Variants in TOB2 observed in about 807,000 individuals in gnomAD.
TOB2 encodes transducer of ERBB2, 2.
A neutral mutation model predicts 17.3 loss-of-function variants in TOB2; 3 were observed. That is an observed-to-expected ratio of 0.17 (90% CI 0.08 to 0.45). TOB2 has a LOEUF of 0.45. Ranked by LOEUF, TOB2 falls within the 20% of genes least tolerant of loss-of-function variation. The pLI is 0.99. For missense variants in TOB2, 407 were observed against 445.7 expected (o/e 0.91, Z 0.78); for synonymous variants, 163 against 185.6 (o/e 0.88, Z 0.99).
chr22:41,436,290 G>T lies in TOB2; in HGVS notation c.*21C>A. 6.5e-7 allele frequency: 1 copy of T among 1,530,614 alleles called. No homozygotes were observed. Among genetic ancestry groups the T allele is most frequent in the Admixed American group, 2.1e-5 (1 of 47,504 alleles). 94.8% of individuals were successfully genotyped at this position (1,530,614 alleles called of 1,614,324 possible). On this transcript the variant is annotated 3_prime_UTR_variant, in exon 2 of 2. Coordinates refer to ENST00000327492, the MANE Select transcript of TOB2 (RefSeq NM_016272.4). The surrounding 1 kb of genome is among the most constrained non-coding windows in gnomAD (Gnocchi z 4.8). ...TTTTCTGTGGTCTTGGGTGCTCCTG[G>T]CCCCACGGGCAGGTAGATGGTCAGT...
chr22:41,445,263 T>C lies in TOB2; in HGVS notation c.-63+1116A>G, dbSNP rs114599867. Among the ~76,000 whole-genome samples the C allele has an allele frequency of 9.3e-3, 1,418 of 152,306 alleles. 24 individuals are homozygous for C. Among genetic ancestry groups the C allele is most frequent in the African/African-American group, 0.032 (1,330 of 41,560 alleles). ...CTAAAATTCTGTGTGTCTCCTCCCA[T>C]TGCAAGGTCTGCTTTACGACCAGAC... On this transcript the variant is annotated intron_variant, in intron 1 of 1. Coordinates refer to ENST00000327492, the MANE Select transcript of TOB2 (RefSeq NM_016272.4).
chr22:41,437,156 C>A lies in TOB2; in HGVS notation c.190G>T (p.Val64Leu), dbSNP rs748239252. ...GCGGCCAGCTCCACCACGGGGTCCA[C>A]CATCTCCCCAATGTGAACACAGCGG... The part of the protein sequence containing the change: ...GFRCVHIGEM[V>L]DPVVELAAKR... The change falls in exon 2 of 2, where the codon GTG becomes TTG. Residue 64 changes from valine (V) to leucine (L), a missense_variant. Transcript: ENST00000327492. 4 of 1,614,184 alleles carry A rather than the reference C, an allele frequency of 2.5e-6. No individual in the cohort carries two copies. In the African/African-American group the frequency reaches 5.3e-5, roughly 22 times the overall value.
chr22:41,436,608 G>T lies in TOB2; in HGVS notation c.738C>A (p.Asn246Lys). 1 of 1,613,114 alleles carries T rather than the reference G, an allele frequency of 6.2e-7. No individual in the cohort carries two copies. The highest frequency in any genetic ancestry group is 8.5e-7 in the Non-Finnish European group (1 of 1,179,588). ...SMHSLNFITA[N>K]PAPQSQLSPN... is the part of the protein sequence containing the mutation. ...GTGAGAGCTGGGACTGAGGGGCCGG[G>T]TTGGCCGTGATGAAGTTCAGTGAAT... The change falls in exon 2 of 2, where the codon AAC (asparagine) becomes AAA (lysine). Residue 246 changes from asparagine (N) to lysine (K), a missense_variant. Asn to Lys is a moderately conservative substitution (Grantham distance 94). Coordinates refer to ENST00000327492, the MANE Select transcript of TOB2 (RefSeq NM_016272.4). The surrounding 1 kb of genome is among the most constrained non-coding windows in gnomAD (Gnocchi z 4.8).
Position 41,437,074 on chromosome 22 carries a change from C to G in TOB2, c.272G>C (p.Ser91Thr). 1 of 1,614,192 alleles carries G rather than the reference C, an allele frequency of 6.2e-7. No individual in the cohort carries two copies. Among genetic ancestry groups the G allele is most frequent in the Non-Finnish European group, 8.5e-7 (1 of 1,180,046 alleles). Residue 91 changes from serine (S) to threonine (T), a missense_variant, in exon 2 of 2, where the codon AGT becomes ACT. By Grantham distance (58) the Ser-to-Thr change is moderately conservative. Transcript: ENST00000327492. ...DVRANVPEELSVWIDPFEVSY... is the reference protein window; with the variant it reads ...DVRANVPEELTVWIDPFEVSY... The stretch of plus-strand genomic sequence containing the variant: ...CACCTCAAAGGGATCAATCCAGACA[C>G]TCAGCTCCTCAGGCACATTGGCCCG...
At chr22:41,441,003 G>A (rs959991203) in intron 1 of TOB2, among the ~76,000 whole-genome samples, 4 of 152,038 alleles carry the variant, frequency 2.6e-5, no homozygotes, top group Admixed American at 6.6e-5. Context: ...CAATTTCAGG[G>A]CTTTTTTGGG....
In TOB2 at chr22:41,437,052, C is replaced by G; in HGVS notation, c.294G>C (p.Glu98Asp). ...EELSVWIDPF[E>D]VSYQIGEKGA... ...CCTTCTCACCAATCTGGTAGGACAC[C>G]TCAAAGGGATCAATCCAGACACTCA... is the stretch of plus-strand genomic sequence containing the variant. Residue 98 changes from glutamate to aspartate, a missense_variant, in exon 2 of 2, where the codon GAG becomes GAC. Glu to Asp is a conservative substitution (Grantham distance 45). Transcript: ENST00000327492. The G allele has an allele frequency of 6.2e-7, 1 of 1,614,128 alleles. No individual in the cohort carries two copies. The highest frequency in any genetic ancestry group is 8.5e-7 in the Non-Finnish European group (1 of 1,180,046).
chr22:41,442,851 A>G (rs907674206), intron 1 of TOB2, among the ~76,000 whole-genome samples: 2 of 152,240 alleles, frequency 1.3e-5, no homozygotes, highest in African/African-American at 2.4e-5. Flanking sequence ...AAGCTTAGAA[A>G]TAACTACCTG....
rs200751745 is a variant in TOB2 at position 41,436,480 on chromosome 22, C to A, written c.866G>T (p.Ser289Ile). 3.1e-6 allele frequency: 5 copies of A among 1,614,130 alleles called. No individual in the cohort carries two copies. In the African/African-American group the frequency reaches 4.0e-5, roughly 13 times the overall value. The change falls in exon 2 of 2, where the codon AGT becomes ATT. Residue 289 changes from serine to isoleucine, a missense_variant. Transcript: ENST00000327492. This position sits in a 1 kb window ranked among gnomAD's most constrained non-coding sequence, Gnocchi z 4.8. ...GCTGCTGTTGCAGGTGCCAGCCCCA[C>A]TGCCTCCAAACGGGCCTGGGGTGCC... is the stretch of plus-strand genomic sequence containing the variant. ...GSGTPGPFGG[S>I]GAGTCNSSSF...
At chr22:41,440,662 G>A (rs1385398109) in intron 1 of TOB2, among the ~76,000 whole-genome samples, 5 of 147,458 alleles carry the variant, frequency 3.4e-5, no homozygotes, top group South Asian at 2.2e-4. Flanking sequence ...TGCCTCCTAC[G>A]TTCAAACAAT....
chr22:41,443,894 G>A (rs1302105504), intron 1 of TOB2, among the ~76,000 whole-genome samples: 1 of 152,180 alleles, frequency 6.6e-6, no homozygotes, highest in Non-Finnish European at 1.5e-5. Context: ...CCAAAGTGCT[G>A]GGATTACAGG....
Position 41,435,982 on chromosome 22 carries a change from T to C in TOB2, c.*329A>G. On this transcript the variant is annotated 3_prime_UTR_variant, in exon 2 of 2. Coordinates refer to ENST00000327492, the MANE Select transcript of TOB2 (RefSeq NM_016272.4). ...GAGGAGCAGGGAGCAGCAGTTCACA[T>C]CTGGACCATTCTTAGCACAGGAAGC... 5.0e-6 allele frequency: 1 copy of C among 200,668 alleles called. No homozygotes were observed. Among genetic ancestry groups the C allele is most frequent in the Non-Finnish European group, 1.0e-5 (1 of 98,408 alleles). The allele number at this position is 200,668 out of a possible 1,614,324, so 12.4% of individuals were successfully genotyped here. A position where few individuals can be genotyped will look rare whatever the true frequency, so the allele number is the denominator to read the frequency against.
At chr22:41,441,370 G>C (rs892945970) in intron 1 of TOB2, among the ~76,000 whole-genome samples, 3 of 151,860 alleles carry the variant, frequency 2.0e-5, no homozygotes, top group African/African-American at 7.3e-5. Context: ...TGTTTATGAG[G>C]ATCAGGCTCA....
intron 1 of TOB2, among the ~76,000 whole-genome samples, chr22:41,440,655 C>G (rs2037607585): frequency 6.6e-6 from 1 of 151,350 alleles, no homozygotes; most frequent in African/African-American, 2.4e-5. Context: ...CAACCTCTGC[C>G]TCCTACGTTC....
chr22:41,445,220 C>T (rs1294893007), intron 1 of TOB2, among the ~76,000 whole-genome samples: 2 of 152,214 alleles, frequency 1.3e-5, no homozygotes, highest in Non-Finnish European at 2.9e-5. Context: ...ACACCTGACA[C>T]CTGAGCATCT....
rs1331871300 is a variant in TOB2 at position 41,436,123 on chromosome 22, T to C, written c.*188A>G. 4 of 593,024 alleles carry C rather than the reference T, an allele frequency of 6.7e-6. No homozygotes were observed. The highest frequency in any genetic ancestry group is 1.1e-5 in the Non-Finnish European group (4 of 380,422). 36.7% of individuals were successfully genotyped at this position (593,024 alleles called of 1,614,324 possible). On this transcript the variant is annotated 3_prime_UTR_variant, in exon 2 of 2. Coordinates refer to ENST00000327492, the MANE Select transcript of TOB2 (RefSeq NM_016272.4). This position sits in a 1 kb window ranked among gnomAD's most constrained non-coding sequence, Gnocchi z 4.8. Reference sequence around the variant, plus strand: ...AGGCCGGTGGGCGAGCGGTAAGGGGTGAGTGAAACACACTTGGGTGCTTTG... The same window carrying C: ...AGGCCGGTGGGCGAGCGGTAAGGGGCGAGTGAAACACACTTGGGTGCTTTG...
Position 41,433,855 on chromosome 22 carries a change from G to A in TOB2, c.*2456C>T. 1 of 435,970 alleles carries A rather than the reference G, an allele frequency of 2.3e-6. No homozygotes were observed. Among genetic ancestry groups the A allele is most frequent in the Non-Finnish European group, 4.8e-6 (1 of 207,914 alleles). The allele number at this position is 435,970 out of a possible 1,614,324, so 27.0% of individuals were successfully genotyped here. ...AATCCACCTTTTGATTTGTTCCTGG[G>A]AAAGAGGGATAGATAGAGGATGGGG... On this transcript the variant is annotated 3_prime_UTR_variant, in exon 2 of 2. Coordinates refer to ENST00000327492, the MANE Select transcript of TOB2 (RefSeq NM_016272.4).
In TOB2 at chr22:41,436,181, C is replaced by A; in HGVS notation, c.*130G>T. Reference sequence around the variant, plus strand: ...CTCCCATTCCGTGCCTGGGCTGGATCTTTTTTCTAGAAGTAAGAGTGAGAA... The same window carrying A: ...CTCCCATTCCGTGCCTGGGCTGGATATTTTTTCTAGAAGTAAGAGTGAGAA... On this transcript the variant is annotated 3_prime_UTR_variant, in exon 2 of 2. Transcript: ENST00000327492. The surrounding 1 kb of genome is among the most constrained non-coding windows in gnomAD (Gnocchi z 4.8). The A allele has an allele frequency of 7.8e-7, 1 of 1,286,318 alleles. No homozygotes were observed. The highest frequency in any genetic ancestry group is 1.0e-6 in the Non-Finnish European group (1 of 976,234). 79.7% of individuals were successfully genotyped at this position (1,286,318 alleles called of 1,614,324 possible).
rs1358896061 is a variant in TOB2 at position 41,435,093 on chromosome 22, G to C, written c.*1218C>G. On this transcript the variant is annotated 3_prime_UTR_variant, in exon 2 of 2. Transcript: ENST00000327492. Reference sequence around the variant, plus strand: ...CCCTGCCTCTCTGCCCACCCCCAAGGGTGCTCAGGTGAGCAGCTCCCTCTG... The same window carrying C: ...CCCTGCCTCTCTGCCCACCCCCAAGCGTGCTCAGGTGAGCAGCTCCCTCTG... 4 of 152,506 alleles carry C rather than the reference G, an allele frequency of 2.6e-5. No individual in the cohort carries two copies. The highest frequency in any genetic ancestry group is 4.4e-5 in the Non-Finnish European group (3 of 68,076). The allele number at this position is 152,506 out of a possible 1,614,324, so 9.4% of individuals were successfully genotyped here.
In TOB2 at chr22:41,440,407, G is replaced by A. The variant is rs547249235; in HGVS notation, c.-62-3000C>T. On this transcript the variant is annotated intron_variant, in intron 1 of 1. Coordinates refer to ENST00000327492, the MANE Select transcript of TOB2 (RefSeq NM_016272.4). ...GCTGGGATTACAGGCATGAGCCACC[G>A]CGCCTGGCCTCTTTTTCTTTTTTTG... Among the ~76,000 whole-genome samples, 13 of 150,396 alleles carry A rather than the reference G, an allele frequency of 8.6e-5. No homozygotes were observed. In the South Asian group the frequency reaches 2.1e-3, roughly 25 times the overall value.
Sources: gnomAD v4.1 joint callset for allele counts (sites outside exome capture counted in the v4.1 genomes callset) on GRCh38, gnomAD v4.1.1 for gene constraint, Gnocchi (gnomAD v3.1) non-coding constraint, MANE v1.5 for transcripts, NCBI Gene and HGNC (gene_info 2026-07-23, HGNC 2026-07-21) for gene names.